The following ZFHX3 variants were observed in gnomAD, a reference collection of about 807,000 sequenced individuals.
The protein encoded by ZFHX3 is zinc finger homeobox protein 3.
Under a neutral mutation model 279.1 loss-of-function variants are expected in ZFHX3, and 42 were observed. The ratio of observed to expected loss-of-function variants is 0.15; its 90% confidence interval spans 0.12 to 0.19. The LOEUF is 0.19. ZFHX3 is among the 10% of genes least tolerant of loss of function. The probability of loss-of-function intolerance (pLI) is 1.00; values close to 1 mark genes in which losing one functional copy is unlikely to be tolerated. For missense variants in ZFHX3, 4,981 were observed against 4,754.0 expected (o/e 1.05, Z -1.40); for synonymous variants, 2,293 against 1,957.8 (o/e 1.17, Z -4.52).
At chr16:73,641,777 G>C (rs759817833) in intron 2 of ZFHX3, among the ~76,000 whole-genome samples, 16 of 152,102 alleles carry the variant, frequency 1.1e-4, no homozygotes, top group Non-Finnish European at 2.4e-4. Flanking sequence ...GTGGGAGATG[G>C]ATTATGGGAA....
chr16:73,676,025 A>G (rs1422108621), intron 2 of ZFHX3, among the ~76,000 whole-genome samples: 1 of 152,058 alleles, frequency 6.6e-6, no homozygotes. Flanking sequence ...ATCTTTCTTG[A>G]AAAATTATCT....
chr16:72,875,865 C>G (rs890322432), intron 4 of ZFHX3, among the ~76,000 whole-genome samples: 1 of 152,184 alleles, frequency 6.6e-6, no homozygotes, highest in Non-Finnish European at 1.5e-5. Flanking sequence ...CAAACAGTCA[C>G]GCCTTTGCAG....
intron 2 of ZFHX3, among the ~76,000 whole-genome samples, chr16:73,595,983 TTTTATTTTATTTTATTTTATTTTATTTTA>T (rs2052045772): frequency 3.1e-4 from 1 of 3,246 alleles, no homozygotes; most frequent in African/African-American, 4.9e-4. Flanking sequence ...TACTTTTTTA[TTTTATTTTATTTTATTTTATTTTATTTTA>T]TTTTATTTTA....
intron 3 of ZFHX3, among the ~76,000 whole-genome samples, chr16:73,410,380 C>A (rs1320245365): frequency 2.0e-5 from 3 of 152,194 alleles, no homozygotes; most frequent in African/African-American, 7.2e-5. Flanking sequence ...CGCACCATTG[C>A]ACTCCAGCCT....
At chr16:72,903,991 C>T (rs1014909215) in intron 3 of ZFHX3, among the ~76,000 whole-genome samples, 43 of 152,204 alleles carry the variant, frequency 2.8e-4, no homozygotes, top group African/African-American at 8.7e-4. Context: ...TTTGCTCCTC[C>T]GCCACACCAT....
chr16:73,824,049 G>A (rs328322), intron 1 of ZFHX3, among the ~76,000 whole-genome samples: 1,944 of 152,234 alleles, frequency 0.013, 50 homozygotes, highest in African/African-American at 0.043. Flanking sequence ...AATTATACAG[G>A]GGTGTGACAC....
chr16:73,483,470 C>T, intron 2 of ZFHX3: 1 of 436,774 alleles, frequency 2.3e-6, no homozygotes, highest in African/African-American at 2.1e-5. Flanking sequence ...CTGTGCTCTG[C>T]CAATTCAAAT....
At chr16:73,759,461 A>G (rs2053841660) in intron 1 of ZFHX3, among the ~76,000 whole-genome samples, 1 of 152,218 alleles carries the variant, frequency 6.6e-6, no homozygotes, top group Non-Finnish European at 1.5e-5. Context: ...TGAGAAATGT[A>G]CACTGGGAAG....
At chr16:73,310,349 T>G (rs1228118880) in intron 4 of ZFHX3, among the ~76,000 whole-genome samples, 3 of 152,188 alleles carry the variant, frequency 2.0e-5, no homozygotes, top group Non-Finnish European at 4.4e-5. Context: ...TAAGAAAAAG[T>G]GACCAATTTT....
At chr16:73,865,400 C>A (rs1167921920) in intron 1 of ZFHX3, among the ~76,000 whole-genome samples, 1 of 152,046 alleles carries the variant, frequency 6.6e-6, no homozygotes, top group African/African-American at 2.4e-5. Context: ...GGTTTGGGGC[C>A]GGTGTGGGGT....
At chr16:73,711,416 T>G (rs984606032) in intron 1 of ZFHX3, among the ~76,000 whole-genome samples, 20 of 152,218 alleles carry the variant, frequency 1.3e-4, no homozygotes, top group African/African-American at 4.8e-4. Context: ...AAACGAACAG[T>G]GAGCCTTGTT....
intron 1 of ZFHX3, among the ~76,000 whole-genome samples, chr16:73,012,046 G>A (rs894991744): frequency 3.3e-5 from 5 of 151,984 alleles, no homozygotes; most frequent in Admixed American, 1.3e-4. Flanking sequence ...AAACACATTC[G>A]AGCTAAACAT....
At chr16:73,820,306 G>A (rs1167443437) in intron 1 of ZFHX3, among the ~76,000 whole-genome samples, 2 of 151,958 alleles carry the variant, frequency 1.3e-5, no homozygotes, top group Admixed American at 1.3e-4. Flanking sequence ...TAGCCAGGAT[G>A]GTCTTGATCT....
At chr16:73,010,240 C>A (rs1010905325) in intron 1 of ZFHX3, among the ~76,000 whole-genome samples, 2 of 152,068 alleles carry the variant, frequency 1.3e-5, no homozygotes, top group Admixed American at 6.6e-5. Context: ...CACAGAATGC[C>A]CAGCTGTGGG....
intron 2 of ZFHX3, among the ~76,000 whole-genome samples, chr16:73,542,581 TG>T (rs1274835930): frequency 6.6e-6 from 1 of 152,182 alleles, no homozygotes; most frequent in Non-Finnish European, 1.5e-5. Context: ...AAGGCGTTTT[TG>T]TAAGTGACTT....
chr16:73,238,950 C>T (rs1480447554), intron 5 of ZFHX3, among the ~76,000 whole-genome samples: 1 of 152,110 alleles, frequency 6.6e-6, no homozygotes, highest in Non-Finnish European at 1.5e-5. Flanking sequence ...TGCTGGGTTA[C>T]GTGCTACTGC....
At chr16:72,862,364 G>A (rs879524987) in intron 4 of ZFHX3, among the ~76,000 whole-genome samples, 28 of 152,196 alleles carry the variant, frequency 1.8e-4, no homozygotes, top group Admixed American at 6.5e-4. Context: ...GTCAAGTCAG[G>A]TCACAGCCTA....
intron 2 of ZFHX3, among the ~76,000 whole-genome samples, chr16:73,648,031 T>G (rs1303061440): frequency 2.6e-5 from 4 of 152,238 alleles, no homozygotes; most frequent in African/African-American, 9.6e-5. Context: ...TGGTCTTTCA[T>G]GCACTGTTGA....
chr16:73,234,960 A>G (rs1390030352), intron 5 of ZFHX3, among the ~76,000 whole-genome samples: 1 of 152,264 alleles, frequency 6.6e-6, no homozygotes, highest in East Asian at 1.9e-4. Context: ...TTTGATGTCC[A>G]CTTTTAGAGA....
Sources: allele counts gnomAD v4.1 joint callset (sites outside exome capture counted in the v4.1 genomes callset), GRCh38; gene constraint gnomAD v4.1.1; transcripts MANE v1.5; gene names NCBI Gene and HGNC (gene_info 2026-07-23, HGNC 2026-07-21).